TRDN: variants seen among roughly 807,000 people sequenced by gnomAD.
TRDN encodes the protein triadin in skeletal muscle.
A neutral mutation model predicts 149.7 loss-of-function variants in TRDN; 161 were observed. The observed-to-expected ratio is 1.08, with a 90% confidence interval of 0.95 to 1.23. The LOEUF is 1.23. Among genes scored for constraint, TRDN ranks in the 50% most tolerant of loss-of-function variants. TRDN has a pLI of 0.00. For synonymous variants in TRDN, 294 were observed against 250.5 expected (o/e 1.17, Z -1.64); for missense variants, 896 against 823.5 (o/e 1.09, Z -1.08).
intron 1 of TRDN, among the ~76,000 whole-genome samples, chr6:123,595,548 A>G (rs1166701805): frequency 6.6e-6 from 1 of 152,100 alleles, no homozygotes; most frequent in East Asian, 1.9e-4. Context: ...CACATTGCAG[A>G]TCCTGCACTT....
At chr6:123,427,189 C>T (rs1233700706) in intron 12 of TRDN, among the ~76,000 whole-genome samples, 1 of 151,542 alleles carries the variant, frequency 6.6e-6, no homozygotes, top group Non-Finnish European at 1.5e-5. Context: ...CTGGAATAGG[C>T]AGTCAGAAGA....
chr6:123,265,356 A>C lies in TRDN; in HGVS notation c.1784-18T>G. On this transcript the variant is annotated intron_variant, in intron 32 of 40. Coordinates refer to ENST00000334268, the MANE Select transcript of TRDN (RefSeq NM_006073.4). ...TGGTTTGTCTAAAAAGGAAAAAAGA[A>C]AAAAAAAGAAAATGAGTGATAATTT... 7.2e-7 allele frequency: 1 copy of C among 1,393,552 alleles called. No individual in the cohort carries two copies. Among genetic ancestry groups the C allele is most frequent in the East Asian group, 2.7e-5 (1 of 37,356 alleles). The allele number at this position is 1,393,552 out of a possible 1,614,324, so 86.3% of individuals were successfully genotyped here.
intron 38 of TRDN, among the ~76,000 whole-genome samples, chr6:123,225,408 ATG>A (rs1775316613): frequency 6.6e-6 from 1 of 151,746 alleles, no homozygotes. Flanking sequence ...AAGCTACCAT[ATG>A]ATCCAGCAAT....
intron 23 of TRDN, among the ~76,000 whole-genome samples, chr6:123,320,903 A>T (rs78733318): frequency 6.6e-6 from 1 of 152,108 alleles, no homozygotes; most frequent in South Asian, 2.1e-4. Flanking sequence ...AAAACTAAGC[A>T]GTCTGAGCAT....
chr6:123,270,559 C>T (rs1777172150), intron 30 of TRDN, among the ~76,000 whole-genome samples: 1 of 151,878 alleles, frequency 6.6e-6, no homozygotes, highest in Non-Finnish European at 1.5e-5. Flanking sequence ...TTTCAAGACT[C>T]ATAAGTTTTC....
intron 5 of TRDN, among the ~76,000 whole-genome samples, chr6:123,518,066 T>C (rs1183284169): frequency 6.6e-6 from 1 of 152,152 alleles, no homozygotes; most frequent in African/African-American, 2.4e-5. Context: ...TTAAATTCTA[T>C]TTATGGATGA....
intron 6 of TRDN, among the ~76,000 whole-genome samples, chr6:123,513,297 C>T (rs1449544678): frequency 2.0e-5 from 3 of 152,180 alleles, no homozygotes; most frequent in Non-Finnish European, 4.4e-5. Context: ...ATTATAATAA[C>T]ATATCTCCTA....
chr6:123,323,372 CATAACACAT>C (rs899447123), intron 23 of TRDN, among the ~76,000 whole-genome samples: 70 of 152,196 alleles, frequency 4.6e-4, no homozygotes, highest in African/African-American at 1.3e-3. Context: ...CTGCTTTTCC[CATAACACAT>C]AGACACACAC....
rs538159761 is a variant in TRDN, at chr6:123,404,769, G to C, written c.1052-11092C>G. 3.3e-5 allele frequency among the ~76,000 whole-genome samples: 5 copies of C among 152,250 alleles called. No homozygotes were observed. The South Asian group carries it at 8.3e-4, about 25-fold the overall frequency. ...ATGGACTGTTCTTTAGTTCACGTTTGTGTCATGGTTCTAAGAGTTCAAATG... is the reference window on the plus strand; with the variant it reads ...ATGGACTGTTCTTTAGTTCACGTTTCTGTCATGGTTCTAAGAGTTCAAATG... On this transcript the variant is annotated intron_variant, in intron 12 of 40. Transcript: ENST00000334268.
chr6:123,242,120 ACT>A (rs1398962204), intron 38 of TRDN, among the ~76,000 whole-genome samples: 1 of 151,980 alleles, frequency 6.6e-6, no homozygotes, highest in Admixed American at 6.6e-5. Flanking sequence ...GAGCCTTATG[ACT>A]CTTCCGGTTG....
chr6:123,369,284 C>T (rs1781232073), intron 19 of TRDN, among the ~76,000 whole-genome samples: 1 of 152,156 alleles, frequency 6.6e-6, no homozygotes, highest in Non-Finnish European at 1.5e-5. Flanking sequence ...CCACCCTAAT[C>T]CAGCATGACC....
chr6:123,330,562 G>T (rs1040238425), intron 23 of TRDN, among the ~76,000 whole-genome samples: 45 of 152,080 alleles, frequency 3.0e-4, no homozygotes, highest in Middle Eastern at 6.8e-3. Flanking sequence ...CCGATGAAAA[G>T]AAAGTTTTAG....
At chr6:123,469,635 AG>A (rs1777038056) in intron 9 of TRDN, 1 of 152,284 alleles carries the variant, frequency 6.6e-6, no homozygotes, top group Non-Finnish European at 1.5e-5. Context: ...TCTTCCTTCC[AG>A]GGGCTTCTCA....
chr6:123,530,704 A>T, intron 4 of TRDN, 139 bp from the exon 5 acceptor site: 1 of 459,980 alleles, frequency 2.2e-6, no homozygotes, highest in Non-Finnish European at 3.3e-6. Context: ...GGAGTCTAAA[A>T]GAGTCTTTGT....
chr6:123,464,400 A>T (rs1583079931), intron 10 of TRDN: 2 of 961,768 alleles, frequency 2.1e-6, no homozygotes, highest in Non-Finnish European at 2.5e-6. Flanking sequence ...GTGTGTGTGT[A>T]TATATATATT....
At chr6:123,558,382 C>G (rs373135006) in intron 2 of TRDN, among the ~76,000 whole-genome samples, 7 of 152,132 alleles carry the variant, frequency 4.6e-5, no homozygotes, top group Non-Finnish European at 7.3e-5. Context: ...TCCTCACACC[C>G]GGTCCGGCTT....
chr6:123,346,504 G>A (rs1212960225), intron 21 of TRDN, among the ~76,000 whole-genome samples: 1 of 151,742 alleles, frequency 6.6e-6, no homozygotes, highest in Non-Finnish European at 1.5e-5. Context: ...AGAAAATTGA[G>A]GTCCAAGACT....
intron 2 of TRDN, among the ~76,000 whole-genome samples, chr6:123,566,228 A>G (rs911286448): frequency 1.3e-5 from 2 of 152,214 alleles, no homozygotes; most frequent in Non-Finnish European, 2.9e-5. Flanking sequence ...GATAAGAAGA[A>G]TCAAAGTCAA....
intron 9 of TRDN, among the ~76,000 whole-genome samples, chr6:123,474,794 TG>T (rs1353229713): frequency 6.6e-6 from 1 of 151,836 alleles, no homozygotes; most frequent in East Asian, 1.9e-4. Context: ...CTCAACTACA[TG>T]GAAACTGAAC....
Sources: allele counts gnomAD v4.1 joint callset (sites outside exome capture counted in the v4.1 genomes callset), GRCh38; gene constraint gnomAD v4.1.1; transcripts MANE v1.5; gene names NCBI Gene and HGNC (gene_info 2026-07-23, HGNC 2026-07-21).